The following PPP2R2B variants were observed in gnomAD, a reference collection of about 807,000 sequenced individuals.
PPP2R2B encodes the protein protein phosphatase 2 regulatory subunit Bbeta, also known as serine/threonine-protein phosphatase 2A 55 kDa regulatory subunit B beta isoform.
A neutral mutation model predicts 46.0 loss-of-function variants in PPP2R2B; 5 were observed. The ratio of observed to expected loss-of-function variants is 0.11; its 90% CI spans 0.06 to 0.23. The LOEUF (loss-of-function observed/expected upper bound fraction) is 0.23. Ranked by LOEUF, PPP2R2B falls within the 10% of genes least tolerant of loss-of-function variation. PPP2R2B has a pLI of 1.00. For missense variants in PPP2R2B, 367 were observed against 575.0 expected (o/e 0.64, Z 3.70); for synonymous variants, 215 against 206.7 (o/e 1.04, Z -0.34).
At chr5:147,057,690 G>A (rs1757133235), upstream of PPP2R2B, among the ~76,000 whole-genome samples, 1 of 152,204 alleles carries the variant, frequency 6.6e-6, no homozygotes, top group South Asian at 2.1e-4. Context: ...GCTGCTGTTA[G>A]CCTTCTCTGA....
intron 2 of PPP2R2B, among the ~76,000 whole-genome samples, chr5:146,805,975 C>T (rs769916808): frequency 7.2e-5 from 11 of 152,196 alleles, no homozygotes; most frequent in Admixed American, 4.6e-4. Context: ...CCTACCTTGG[C>T]GAATAAAGCC....
chr5:147,007,272 C>T (rs55675734), intron 1 of PPP2R2B, among the ~76,000 whole-genome samples: 3,387 of 152,204 alleles, frequency 0.022, 44 homozygotes, highest in Non-Finnish European at 0.03. Flanking sequence ...GTTGGGGTGT[C>T]CTGTTTAGAG....
rs544977496 is a variant in PPP2R2B, at chr5:147,002,898, A to T, written c.79+52767T>A. 4.1e-4 allele frequency among the ~76,000 whole-genome samples: 63 copies of T among 152,276 alleles called. No homozygotes were observed. The South Asian group carries it at 0.012, about 29-fold the overall frequency. On this transcript the variant is annotated intron_variant, in intron 1 of 8. Coordinates refer to the PPP2R2B transcript ENST00000336640. ...TTCAGATGGGAAACACTCAGGTATC[A>T]ACAGGCTCACCCTTGAAATGCATCC...
At chr5:147,001,915 C>A (rs919897225) in intron 1 of PPP2R2B, among the ~76,000 whole-genome samples, 2 of 152,112 alleles carry the variant, frequency 1.3e-5, no homozygotes, top group African/African-American at 2.4e-5. Context: ...CAAGGGTCAA[C>A]AGAGAGGAAA....
chr5:146,748,018 A>G (rs1389033690), intron 2 of PPP2R2B, among the ~76,000 whole-genome samples: 2 of 152,176 alleles, frequency 1.3e-5, no homozygotes, highest in Non-Finnish European at 2.9e-5. Context: ...TGGTACAGTG[A>G]CAGCCACAAA....
At chr5:146,774,834 A>G (rs989433976) in intron 2 of PPP2R2B, among the ~76,000 whole-genome samples, 1 of 151,190 alleles carries the variant, frequency 6.6e-6, no homozygotes, top group Non-Finnish European at 1.5e-5. Flanking sequence ...AAAAAAAAAG[A>G]AAAGAGAGAG....
At chr5:146,743,800 G>A (rs1237918315) in intron 2 of PPP2R2B, among the ~76,000 whole-genome samples, 1 of 152,154 alleles carries the variant, frequency 6.6e-6, no homozygotes, top group Non-Finnish European at 1.5e-5. Flanking sequence ...GCTAAAATGT[G>A]CCTCAAATAT....
chr5:146,925,323 G>A (rs1472739707), intron 1 of PPP2R2B, among the ~76,000 whole-genome samples: 2 of 152,110 alleles, frequency 1.3e-5, no homozygotes, highest in African/African-American at 4.8e-5. Flanking sequence ...TTTTAAAACA[G>A]GGCTGCTAGC....
chr5:146,711,278 TC>T (rs1780202100), intron 2 of PPP2R2B, among the ~76,000 whole-genome samples: 1 of 152,204 alleles, frequency 6.6e-6, no homozygotes, highest in Non-Finnish European at 1.5e-5. Context: ...CAATCTTTTT[TC>T]TTTAATGGAT....
At chr5:146,947,283 T>C (rs1764513447) in intron 1 of PPP2R2B, among the ~76,000 whole-genome samples, 1 of 152,178 alleles carries the variant, frequency 6.6e-6, no homozygotes. Flanking sequence ...ATCTCTTCAT[T>C]ATTCTACCTG....
chr5:146,697,221 A>G (rs1779225948), intron 4 of PPP2R2B, among the ~76,000 whole-genome samples: 1 of 152,308 alleles, frequency 6.6e-6, no homozygotes, highest in African/African-American at 2.4e-5. Context: ...CTTAATTGTT[A>G]TGCTATTCAA....
intron 4 of PPP2R2B, among the ~76,000 whole-genome samples, chr5:146,696,625 T>C (rs1779197875): frequency 6.6e-6 from 1 of 152,188 alleles, no homozygotes; most frequent in Non-Finnish European, 1.5e-5. Flanking sequence ...TTTATGTGGT[T>C]TGGCTTCCAA....
intron 1 of PPP2R2B, chr5:147,055,527 G>A (rs1018311414): frequency 1.8e-5 from 13 of 715,006 alleles, no homozygotes; most frequent in Non-Finnish European, 2.1e-5. Context: ...GCAGATCTAA[G>A]TCTGTTGGAT....
At chr5:146,861,664 T>C (rs1285874442) in intron 2 of PPP2R2B, among the ~76,000 whole-genome samples, 1 of 152,186 alleles carries the variant, frequency 6.6e-6, no homozygotes, top group East Asian at 1.9e-4. Context: ...CTGTCATACA[T>C]TATAAACAAT....
intron 1 of PPP2R2B, among the ~76,000 whole-genome samples, chr5:146,989,250 T>C (rs767623223): frequency 4.0e-5 from 6 of 151,300 alleles, no homozygotes; most frequent in Admixed American, 6.6e-5. Context: ...ATATTCATTC[T>C]ACAAGGCCAG....
intron 1 of PPP2R2B, among the ~76,000 whole-genome samples, chr5:146,999,659 C>T (rs2151868057): frequency 6.6e-6 from 1 of 152,266 alleles, no homozygotes; most frequent in East Asian, 1.9e-4. Flanking sequence ...TGATTCATCT[C>T]CCAGAAGGGA....
intron 5 of PPP2R2B, among the ~76,000 whole-genome samples, chr5:146,662,696 G>T (rs1372802787): frequency 6.6e-6 from 1 of 152,064 alleles, no homozygotes; most frequent in African/African-American, 2.4e-5. Flanking sequence ...GATTTTTATA[G>T]TTCTATACTG....
At chr5:146,806,805 T>G (rs1172932090) in intron 2 of PPP2R2B, among the ~76,000 whole-genome samples, 1 of 152,230 alleles carries the variant, frequency 6.6e-6, no homozygotes, top group Non-Finnish European at 1.5e-5. Flanking sequence ...GAATGTCGTT[T>G]TGCAAACTGC....
At chr5:146,985,043 C>T (rs142027916) in intron 1 of PPP2R2B, among the ~76,000 whole-genome samples, 3,290 of 112,218 alleles carry the variant, frequency 0.029, 163 homozygotes, top group African/African-American at 0.1. Context: ...TTTTTTGAGA[C>T]GGAGTCTCAC....
Sources: allele counts gnomAD v4.1 joint callset (sites outside exome capture counted in the v4.1 genomes callset), GRCh38; gene constraint gnomAD v4.1.1; transcripts MANE v1.5; gene names NCBI Gene and HGNC (gene_info 2026-07-23, HGNC 2026-07-21).